Variants in FOXI1 observed in about 807,000 individuals in gnomAD.
The protein encoded by FOXI1 is forkhead box I1, also known as forkhead box protein I1.
Under a neutral mutation model 16.4 loss-of-function variants are expected in FOXI1, and 11 were observed. The ratio of observed to expected loss-of-function variants is 0.67; its 90% CI spans 0.42 to 1.11. FOXI1 has a LOEUF of 1.11. Ranked by LOEUF, FOXI1 falls within the 50% of genes least tolerant of loss-of-function variation. FOXI1 has a pLI of 0.00. For synonymous variants in FOXI1, 218 were observed against 211.5 expected (o/e 1.03, Z -0.27); for missense variants, 480 against 506.1 (o/e 0.95, Z 0.49).
At chr5:170,106,883 G>T in intron 1 of FOXI1, 1 of 563,724 alleles carries the variant, frequency 1.8e-6, no homozygotes, top group Non-Finnish European at 2.3e-6. Context: ...GCGCTTAATC[G>T]CCTGCAGTAA....
chr5:170,108,697 C>T lies in FOXI1; in HGVS notation c.*86C>T. The T allele has an allele frequency of 1.9e-6, 2 of 1,027,282 alleles. No individual in the cohort carries two copies. Among genetic ancestry groups the T allele is most frequent in the Non-Finnish European group, 1.5e-6 (1 of 648,370 alleles). 63.6% of individuals were successfully genotyped at this position (1,027,282 alleles called of 1,614,324 possible). A position where few individuals can be genotyped will look rare whatever the true frequency, so the allele number is the denominator to read the frequency against. On this transcript the variant is annotated 3_prime_UTR_variant, in exon 2 of 2. Coordinates refer to ENST00000306268, the MANE Select transcript of FOXI1 (RefSeq NM_012188.5). The stretch of plus-strand genomic sequence containing the variant: ...ATGCCAGCCCCACGGTGGTCCATGA[C>T]TGCGGAACTGCCCAGACATAAGCAG...
Position 170,107,488 on chromosome 5 carries a change from C to T in FOXI1, c.575-561C>T, listed in dbSNP as rs184607488. On this transcript the variant is annotated intron_variant, in intron 1 of 1. Transcript: ENST00000306268. ...AGCAGGAAGAGTTCAGGCCTTCCCT[C>T]GGGAAGGTACCTCCCAGCTGCAACG... Among the ~76,000 whole-genome samples, 44 of 152,274 alleles carry T rather than the reference C, an allele frequency of 2.9e-4. No homozygotes were observed. The East Asian group carries it at 8.5e-3, about 29-fold the overall frequency.
rs1758466064 is a variant in FOXI1 at position 170,106,007 on chromosome 5, A to G, written c.50A>G (p.Gln17Arg). The change falls in exon 1 of 2, where the codon CAG (glutamine) becomes CGG (arginine). Residue 17 changes from glutamine to arginine, a missense_variant. Physicochemically the swap from Gln to Arg is conservative, Grantham distance 43. This residue lies in a region of FOXI1 where 219 missense variants were observed against 222.9 expected (regional missense o/e 0.98). Coordinates refer to ENST00000306268, the MANE Select transcript of FOXI1 (RefSeq NM_012188.5). Reference sequence around the variant, plus strand: ...CCCTCCCCACCTCGCTGCAGCCCCCAGTTCCCCAGCATCGGCCAGGAGCCC... The same window carrying G: ...CCCTCCCCACCTCGCTGCAGCCCCCGGTTCCCCAGCATCGGCCAGGAGCCC... ...PAPSPPRCSP[Q>R]FPSIGQEPPE... 6.2e-7 allele frequency: 1 copy of G among 1,611,418 alleles called. No individual in the cohort carries two copies. The highest frequency in any genetic ancestry group is 8.5e-7 in the Non-Finnish European group (1 of 1,178,426).
rs1758472770 is a variant in FOXI1 at position 170,106,140 on chromosome 5, C to T, written c.183C>T (p.Pro61=). The part of the protein sequence containing the change: ...GGGEYGATPN[P]YLWFNGPTMT... ...GCGAGTATGGGGCCACCCCCAACCC[C>T]TACCTCTGGTTCAACGGGCCCACCA... Residue 61 remains proline (P), a synonymous_variant, in exon 1 of 2, where the codon CCC becomes CCT. Coordinates refer to ENST00000306268, the MANE Select transcript of FOXI1 (RefSeq NM_012188.5). 6.2e-7 allele frequency: 1 copy of T among 1,609,934 alleles called. No homozygotes were observed. The highest frequency in any genetic ancestry group is 1.3e-5 in the African/African-American group (1 of 74,828).
In FOXI1 at chr5:170,108,345, G is replaced by A. The variant is rs148265639; in HGVS notation, c.871G>A (p.Gly291Arg). The part of the protein sequence containing the change: ...FLSSMTAYVS[G>R]GSPTSHPLVT... ...TTCCTCTATGACAGCCTATGTGAGCGGGGGGAGCCCCACGAGCCACCCCTT... is the reference window on the plus strand; with the variant it reads ...TTCCTCTATGACAGCCTATGTGAGCAGGGGGAGCCCCACGAGCCACCCCTT... Residue 291 changes from glycine to arginine, a missense_variant, in exon 2 of 2, where the codon GGG becomes AGG. By Grantham distance (125) the Gly-to-Arg change is moderately radical (BLOSUM62 -2). Coordinates refer to ENST00000306268, the MANE Select transcript of FOXI1 (RefSeq NM_012188.5). The A allele has an allele frequency of 2.5e-5, 40 of 1,613,972 alleles. No homozygotes were observed. The highest frequency in any genetic ancestry group is 4.5e-5 in the East Asian group (2 of 44,882).
intron 1 of FOXI1, 135 bp downstream of exon 1, chr5:170,106,666 G>C: frequency 7.5e-7 from 1 of 1,331,906 alleles, no homozygotes; most frequent in Non-Finnish European, 1.0e-6. Flanking sequence ...GGACAGAGGG[G>C]AGCTCAGCAG....
intron 1 of FOXI1, among the ~76,000 whole-genome samples, chr5:170,107,489 G>A (rs1010162049): frequency 2.0e-5 from 3 of 152,102 alleles, no homozygotes; most frequent in Non-Finnish European, 2.9e-5. Flanking sequence ...GCCTTCCCTC[G>A]GGAAGGTACC....
At position 170,108,984 on chromosome 5, in the gene FOXI1, A is replaced by C; in HGVS notation, c.*373A>C. The C allele has an allele frequency of 4.9e-6, 1 of 205,470 alleles. No individual in the cohort carries two copies. The highest frequency in any genetic ancestry group is 9.8e-6 in the Non-Finnish European group (1 of 101,954). The allele number at this position is 205,470 out of a possible 1,614,324, so 12.7% of individuals were successfully genotyped here. A position where few individuals can be genotyped will look rare whatever the true frequency, so the allele number is the denominator to read the frequency against. On this transcript the variant is annotated 3_prime_UTR_variant, in exon 2 of 2. Coordinates refer to ENST00000306268, the MANE Select transcript of FOXI1 (RefSeq NM_012188.5). ...GGTTAAGTAACATTTCCAGGGTTAT[A>C]TAAACTAGTAAATGGCAGAGCTAAG... is the stretch of plus-strand genomic sequence containing the variant.
At position 170,106,301 on chromosome 5, in the gene FOXI1, A is replaced by C. The variant is rs756249041; in HGVS notation, c.344A>C (p.Gln115Pro). The C allele has an allele frequency of 1.3e-6, 2 of 1,589,764 alleles. No homozygotes were observed. Among genetic ancestry groups the C allele is most frequent in the South Asian group, 2.3e-5 (2 of 88,162 alleles). The change falls in exon 1 of 2, where the codon CAG (glutamine) becomes CCG (proline). Residue 115 changes from glutamine (Q) to proline (P), a missense_variant. By Grantham distance (76) the Gln-to-Pro change is moderately conservative. Around this residue, in one of 3 missense-constraint regions of FOXI1, gnomAD observed 219 missense variants for 222.9 expected, o/e 0.98. Transcript: ENST00000306268. ...SDLGWLPIPS[Q>P]EELMKLVRPP... ...CTGGGCTGGCTGCCCATCCCCTCGC[A>C]GGAGGAGCTGATGAAGCTGGTGCGG...
rs981887790 is a variant in FOXI1 at position 170,108,420 on chromosome 5, T to C, written c.946T>C (p.Ser316Pro). The C allele has an allele frequency of 2.0e-5, 32 of 1,609,300 alleles. No homozygotes were observed. Among genetic ancestry groups the C allele is most frequent in the Non-Finnish European group, 2.7e-5 (32 of 1,176,540 alleles). The stretch of plus-strand genomic sequence containing the variant: ...GCCCAGTGACAAGACGGGGCAGAAC[T>C]CACTGACCTTCAACTCCTTCTCCCC... ...PEPSDKTGQNSLTFNSFSPLT... is the reference protein window; with the variant it reads ...PEPSDKTGQNPLTFNSFSPLT... The change falls in exon 2 of 2, where the codon TCA becomes CCA. Residue 316 changes from serine (S) to proline (P), a missense_variant. Transcript: ENST00000306268.
Position 170,106,171 on chromosome 5 carries a change from C to T in FOXI1, c.214C>T (p.Pro72Ser). ...YLWFNGPTMT[P>S]PPYLPGPNAS... is the part of the protein sequence containing the mutation. ...CTGGTTCAACGGGCCCACCATGACC[C>T]CGCCACCCTACCTGCCCGGCCCCAA... The change falls in exon 1 of 2, where the codon CCG (proline) becomes TCG (serine). Residue 72 changes from proline to serine, a missense_variant. Transcript: ENST00000306268. 17 of 1,600,956 alleles carry T rather than the reference C, an allele frequency of 1.1e-5. No homozygotes were observed. The highest frequency in any genetic ancestry group is 1.4e-5 in the Non-Finnish European group (17 of 1,173,042).
chr5:170,108,919 A>C lies in FOXI1; in HGVS notation c.*308A>C. ...TGACAGTCACCCCGTAAGGTTCACAAACCACCCCATTGAACAGATGAGGAA... is the reference window on the plus strand; with the variant it reads ...TGACAGTCACCCCGTAAGGTTCACACACCACCCCATTGAACAGATGAGGAA... On this transcript the variant is annotated 3_prime_UTR_variant, in exon 2 of 2. Transcript: ENST00000306268. 1 of 376,054 alleles carries C rather than the reference A, an allele frequency of 2.7e-6. No individual in the cohort carries two copies. The highest frequency in any genetic ancestry group is 4.9e-6 in the Non-Finnish European group (1 of 204,182). The allele number at this position is 376,054 out of a possible 1,614,324, so 23.3% of individuals were successfully genotyped here. A position where few individuals can be genotyped will look rare whatever the true frequency, so the allele number is the denominator to read the frequency against.
Position 170,106,093 on chromosome 5 carries a change from C to T in FOXI1, c.136C>T (p.Arg46Trp). Residue 46 changes from arginine (R) to tryptophan (W), a missense_variant, in exon 1 of 2, where the codon CGG (arginine) becomes TGG (tryptophan). Around this residue, in one of 3 missense-constraint regions of FOXI1, gnomAD observed 219 missense variants for 222.9 expected, o/e 0.98. Coordinates refer to ENST00000306268, the MANE Select transcript of FOXI1 (RefSeq NM_012188.5). ...CCCACAGGGCGTGCCCAGCCCTCAG[C>T]GGCCCTCCTTCGAGGGGGGCGGCGA... ...FHPQGVPSPQ[R>W]PSFEGGGEYG... is the part of the protein sequence containing the mutation. The T allele has an allele frequency of 1.9e-6, 3 of 1,613,334 alleles. No homozygotes were observed. Among genetic ancestry groups the T allele is most frequent in the East Asian group, 4.5e-5 (2 of 44,848 alleles).
At chr5:170,107,551 G>A (rs189489300) in intron 1 of FOXI1, among the ~76,000 whole-genome samples, 3 of 152,158 alleles carry the variant, frequency 2.0e-5, no homozygotes, top group Admixed American at 2.0e-4. Context: ...TTCTCAGTGG[G>A]CCTGAGGAAG....
At chr5:170,107,028 G>T (rs980348018) in intron 1 of FOXI1, 14 of 984,842 alleles carry the variant, frequency 1.4e-5, no homozygotes, top group African/African-American at 1.7e-5. Flanking sequence ...AGCCACTAAT[G>T]GCCCATTTTG....
Position 170,106,252 on chromosome 5 carries a change from G to T in FOXI1, c.295G>T (p.Val99Leu), listed in dbSNP as rs1217819022. Residue 99 changes from valine to leucine, a missense_variant, in exon 1 of 2, where the codon GTG becomes TTG. Val to Leu is a conservative substitution (Grantham distance 32). Around this residue, in one of 3 missense-constraint regions of FOXI1, gnomAD observed 219 missense variants for 222.9 expected, o/e 0.98. Coordinates refer to ENST00000306268, the MANE Select transcript of FOXI1 (RefSeq NM_012188.5). Reference protein sequence around the residue: ...YGVQRPLLPSVSGLGGSDLGW... With the variant: ...YGVQRPLLPSLSGLGGSDLGW... ...AGTGCAGAGGCCGCTGCTGCCCAGC[G>T]TGTCGGGGCTTGGGGGGAGCGACCT... is the stretch of plus-strand genomic sequence containing the variant. The T allele has an allele frequency of 1.9e-6, 3 of 1,580,990 alleles. No homozygotes were observed. The highest frequency in any genetic ancestry group is 2.6e-6 in the Non-Finnish European group (3 of 1,163,382).
chr5:170,106,636 C>CT, intron 1 of FOXI1, 105 bp downstream of exon 1: 1 of 1,477,036 alleles, frequency 6.8e-7, no homozygotes, highest in Non-Finnish European at 9.2e-7. Context: ...CCCCCCAAGA[C>CT]TGGGGGATGC....
At position 170,108,639 on chromosome 5, in the gene FOXI1, A is replaced by C. The variant is rs1758575985; in HGVS notation, c.*28A>C. ...ACAGAACAGCTCCTGAGCCAGGTGG[A>C]CATGCCAGAGAGAAAAGCAGTAGAG... is the stretch of plus-strand genomic sequence containing the variant. On this transcript the variant is annotated 3_prime_UTR_variant, in exon 2 of 2. Transcript: ENST00000306268. 6.4e-7 allele frequency: 1 copy of C among 1,568,660 alleles called. No homozygotes were observed. The highest frequency in any genetic ancestry group is 1.4e-5 in the African/African-American group (1 of 74,036).
In FOXI1 at chr5:170,106,514, G is replaced by A. The variant is rs1264885315; in HGVS notation, c.557G>A (p.Arg186His). ...SLNDCFKKVPRDEDDPGKGNY... is the reference protein window; with the variant it reads ...SLNDCFKKVPHDEDDPGKGNY... ...AACGACTGCTTCAAGAAGGTGCCCC[G>A]CGACGAGGACGACCCGGGTAAGGAG... The change falls in exon 1 of 2, where the codon CGC (arginine) becomes CAC (histidine). Residue 186 changes from arginine (R) to histidine (H), a missense_variant. Arg to His is a conservative substitution (Grantham distance 29). Coordinates refer to ENST00000306268, the MANE Select transcript of FOXI1 (RefSeq NM_012188.5). 3.7e-6 allele frequency: 6 copies of A among 1,614,246 alleles called. No individual in the cohort carries two copies. Among genetic ancestry groups the A allele is most frequent in the Non-Finnish European group, 4.2e-6 (5 of 1,180,038 alleles).
Sources: gnomAD v4.1 joint callset for allele counts (sites outside exome capture counted in the v4.1 genomes callset) on GRCh38, gnomAD v4.1.1 for gene constraint, gnomAD v4.1.1 regional missense constraint, MANE v1.5 for transcripts, NCBI Gene and HGNC (gene_info 2026-07-23, HGNC 2026-07-21) for gene names.